Variants in PHLPP1 observed in about 807,000 individuals in gnomAD.
The protein encoded by PHLPP1 is PH domain leucine-rich repeat-containing protein phosphatase 1.
In PHLPP1, 42 loss-of-function variants were observed where a neutral mutation model predicts 117.2. That is an observed-to-expected ratio of 0.36 (90% CI 0.28 to 0.46). The LOEUF is 0.46. Among genes scored for constraint, PHLPP1 ranks in the 20% least tolerant of loss-of-function variants. The pLI, the probability that PHLPP1 is intolerant of heterozygous loss-of-function variation, is 1.00. For synonymous variants in PHLPP1, 1,042 were observed against 970.7 expected, an observed-to-expected ratio of 1.07 and a Z score of -1.37; for missense variants, 2,084 against 2,241.9, an observed-to-expected ratio of 0.93 and a Z score of 1.42.
In PHLPP1 at chr18:62,913,546, A is replaced by G. The variant is rs1316730101; in HGVS notation, c.2709-1367A>G. 2.0e-5 allele frequency among the ~76,000 whole-genome samples: 3 copies of G among 152,158 alleles called. No homozygotes were observed. The East Asian group carries it at 5.8e-4, about 29-fold the overall frequency. ...GCATCATGTTTTCACAGAATTACTCATCTGTGTATAAAGAATTGTCATAAT... is the reference window on the plus strand; with the variant it reads ...GCATCATGTTTTCACAGAATTACTCGTCTGTGTATAAAGAATTGTCATAAT... On this transcript the variant is annotated intron_variant, in intron 8 of 16. Coordinates refer to ENST00000262719, the MANE Select transcript of PHLPP1 (RefSeq NM_194449.4).
At chr18:62,792,347 G>C (rs1913485137) in intron 1 of PHLPP1, among the ~76,000 whole-genome samples, 5 of 152,222 alleles carry the variant, frequency 3.3e-5, no homozygotes, top group Admixed American at 3.3e-4. Context: ...GGGCACTGGT[G>C]TGAAACAGTA....
rs1568109310 is a variant in PHLPP1 at position 62,766,072 on chromosome 18, AAAAAATATATATATAT to A, written c.1576+48815_1576+48830del. On this transcript the variant is annotated intron_variant, in intron 1 of 16. Transcript: ENST00000262719. ...CTAGACTCCATCTCAAAAAAAAAAA[AAAAAATATATATATAT>A]ATATATATATATATAAAATATATAT... Among the ~76,000 whole-genome samples, 3 of 20,194 alleles carry A rather than the reference AAAAAATATATATATAT, an allele frequency of 1.5e-4. 1 individual carries two copies. Among genetic ancestry groups the A allele is most frequent in the African/African-American group, 4.0e-4 (3 of 7,576 alleles). The allele number at this position is 20,194 out of a possible 152,430, so 13.2% of individuals were successfully genotyped here.
At chr18:62,735,924 T>G (rs1911356688) in intron 1 of PHLPP1, among the ~76,000 whole-genome samples, 1 of 151,540 alleles carries the variant, frequency 6.6e-6, no homozygotes, top group South Asian at 2.1e-4. Context: ...ATTGTGCACA[T>G]GTACCCTAAA....
At chr18:62,804,203 C>G (rs1913870985) in intron 1 of PHLPP1, among the ~76,000 whole-genome samples, 1 of 152,102 alleles carries the variant, frequency 6.6e-6, no homozygotes. Context: ...ACCATCAGAT[C>G]TCATGAGAAC....
At chr18:62,833,286 C>T (rs1282047290) in intron 2 of PHLPP1, among the ~76,000 whole-genome samples, 2 of 152,128 alleles carry the variant, frequency 1.3e-5, no homozygotes, top group Non-Finnish European at 2.9e-5. Flanking sequence ...GTTGGCCAGG[C>T]TGGTCTTGAA....
At chr18:62,857,151 G>C (rs1915520150) in intron 3 of PHLPP1, among the ~76,000 whole-genome samples, 1 of 152,134 alleles carries the variant, frequency 6.6e-6, no homozygotes, top group Non-Finnish European at 1.5e-5. Context: ...GGTTGCATTA[G>C]TTTCCTGTGG....
chr18:62,920,117 A>G lies in PHLPP1; in HGVS notation c.2960+3A>G. On this transcript the variant is annotated splice_donor_region_variant and intron_variant, in intron 10 of 16. Transcript: ENST00000262719. ...AACCTTCTGATGAAGGCTGACAGGT[A>G]AAGCCATTTGTCTTGTTTATCATCT... 1 of 1,612,868 alleles carries G rather than the reference A, an allele frequency of 6.2e-7. No individual in the cohort carries two copies. The highest frequency in any genetic ancestry group is 8.5e-7 in the Non-Finnish European group (1 of 1,179,320).
At chr18:62,940,358 T>C (rs867487200) in intron 10 of PHLPP1, among the ~76,000 whole-genome samples, 2 of 112,586 alleles carry the variant, frequency 1.8e-5, no homozygotes, top group Non-Finnish European at 3.8e-5. Flanking sequence ...TCTTTTCTTT[T>C]TTTTTTTTTT....
intron 12 of PHLPP1, among the ~76,000 whole-genome samples, chr18:62,950,724 C>T (rs374166928): frequency 2.0e-5 from 3 of 152,246 alleles, no homozygotes; most frequent in African/African-American, 4.8e-5. Context: ...CAGGAGCAGT[C>T]ATTATTATGG....
chr18:62,726,634 A>G (rs1599014823), intron 1 of PHLPP1, among the ~76,000 whole-genome samples: 1 of 121,496 alleles, frequency 8.2e-6, no homozygotes. Context: ...CCCAGGCTGG[A>G]GTGCAGTGGT....
chr18:62,956,033 A>G (rs1198213150), intron 12 of PHLPP1, among the ~76,000 whole-genome samples: 2 of 152,200 alleles, frequency 1.3e-5, no homozygotes, highest in Non-Finnish European at 2.9e-5. Context: ...TTATAATTGA[A>G]AAAAACAAAA....
intron 1 of PHLPP1, among the ~76,000 whole-genome samples, chr18:62,717,935 A>T (rs191666612): frequency 7.9e-5 from 12 of 152,258 alleles, no homozygotes; most frequent in Admixed American, 7.2e-4. Flanking sequence ...ATTTTCTTCC[A>T]GCCTTTATGG....
chr18:62,844,843 AACTTTTTATTAG>A (rs1239693331), intron 3 of PHLPP1, among the ~76,000 whole-genome samples: 2 of 152,202 alleles, frequency 1.3e-5, no homozygotes, highest in Non-Finnish European at 2.9e-5. Context: ...CTACGCTTTT[AACTTTTTATTAG>A]ACAGATGGAA....
intron 11 of PHLPP1, among the ~76,000 whole-genome samples, chr18:62,944,061 A>G (rs762075161): frequency 6.7e-6 from 1 of 150,150 alleles, no homozygotes; most frequent in Non-Finnish European, 1.5e-5. Flanking sequence ...AAAATAATAC[A>G]GTGGTTTTTT....
At chr18:62,973,274 T>TG (rs1226524143) in intron 15 of PHLPP1, among the ~76,000 whole-genome samples, 2 of 152,268 alleles carry the variant, frequency 1.3e-5, no homozygotes, top group East Asian at 3.8e-4. Context: ...AGCCTGGAGT[T>TG]GCCACCAGCA....
chr18:62,770,613 G>A (rs190307879), intron 1 of PHLPP1, among the ~76,000 whole-genome samples: 1 of 152,214 alleles, frequency 6.6e-6, no homozygotes, highest in East Asian at 1.9e-4. Context: ...ATCGGTTCTT[G>A]AATTTGAGAA....
intron 10 of PHLPP1, among the ~76,000 whole-genome samples, chr18:62,934,602 T>G (rs1909914214): frequency 6.6e-6 from 1 of 152,174 alleles, no homozygotes; most frequent in Non-Finnish European, 1.5e-5. Context: ...AAAAACTACC[T>G]ATTGGGTACT....
chr18:62,860,746 A>G (rs921360207), intron 4 of PHLPP1, 145 bp downstream of exon 4: 4 of 646,336 alleles, frequency 6.2e-6, no homozygotes, highest in Non-Finnish European at 1.0e-5. Context: ...TTTGTTTATT[A>G]GTGAAGACAT....
chr18:62,854,195 C>T (rs761216216), intron 3 of PHLPP1, among the ~76,000 whole-genome samples: 2 of 152,176 alleles, frequency 1.3e-5, no homozygotes, highest in Non-Finnish European at 2.9e-5. Context: ...GTAGCTTTTG[C>T]CAAAAGGAAT....
Sources: allele counts gnomAD v4.1 joint callset (sites outside exome capture counted in the v4.1 genomes callset), GRCh38; gene constraint gnomAD v4.1.1; transcripts MANE v1.5; gene names NCBI Gene and HGNC (gene_info 2026-07-23, HGNC 2026-07-21).